CCDC169: variants seen among roughly 807,000 people sequenced by gnomAD.
The protein encoded by CCDC169 is coiled-coil domain-containing protein 169.
CCDC169 carries 30 observed loss-of-function variants against 36.0 expected under a neutral mutation model. The observed-to-expected ratio is 0.83, with a 90% CI of 0.62 to 1.13. CCDC169 has a LOEUF of 1.13. Ranked by LOEUF, CCDC169 falls within the 50% of genes most tolerant of loss-of-function variation. The pLI is 0.00. For missense variants in CCDC169, 245 were observed against 245.9 expected (o/e 1.00, Z 0.03); for synonymous variants, 85 against 81.5 (o/e 1.04, Z -0.23).
chr13:36,238,131 G>C (rs1871306131), intron 7 of CCDC169, among the ~76,000 whole-genome samples: 1 of 152,158 alleles, frequency 6.6e-6, no homozygotes, highest in Non-Finnish European at 1.5e-5. Context: ...TAGTGGAAGG[G>C]GGTTTGGGAA....
chr13:36,245,496 C>A (rs1461978456), intron 7 of CCDC169, among the ~76,000 whole-genome samples: 2 of 151,812 alleles, frequency 1.3e-5, no homozygotes, highest in Non-Finnish European at 2.9e-5. Flanking sequence ...GACAGTCTTG[C>A]CATGTTTCCC....
chr13:36,292,922 T>A (rs1879078867), intron 2 of CCDC169, among the ~76,000 whole-genome samples: 1 of 152,022 alleles, frequency 6.6e-6, no homozygotes, highest in Non-Finnish European at 1.5e-5. Context: ...GAGACAAGAA[T>A]AAGGACAGAT....
chr13:36,263,187 A>G (rs1174392640), intron 4 of CCDC169, among the ~76,000 whole-genome samples: 1 of 139,424 alleles, frequency 7.2e-6, no homozygotes. Context: ...CATTGGTACG[A>G]AAGTAGAGGA....
chr13:36,247,213 CT>C (rs1450589845), intron 7 of CCDC169, among the ~76,000 whole-genome samples: 4 of 152,168 alleles, frequency 2.6e-5, no homozygotes, highest in African/African-American at 9.7e-5. Context: ...CAAAATATTA[CT>C]ACTTTTTGAG....
intron 7 of CCDC169, among the ~76,000 whole-genome samples, chr13:36,232,338 C>T (rs1593985955): frequency 1.3e-5 from 2 of 152,318 alleles, no homozygotes; most frequent in Admixed American, 1.3e-4. Context: ...ACTTACAAAG[C>T]TATCTTTATT....
At chr13:36,246,427 C>A (rs2138441067) in intron 7 of CCDC169, among the ~76,000 whole-genome samples, 1 of 152,236 alleles carries the variant, frequency 6.6e-6, no homozygotes, top group South Asian at 2.1e-4. Context: ...GATAGAAGAC[C>A]AAAGAAACCA....
chr13:36,255,934 C>A (rs912929), intron 4 of CCDC169, among the ~76,000 whole-genome samples: 1 of 151,998 alleles, frequency 6.6e-6, no homozygotes, highest in African/African-American at 2.4e-5. Flanking sequence ...CCACCCTTGA[C>A]CAGATGCAGG....
intron 7 of CCDC169, chr13:36,244,610 T>C (rs1440282221): frequency 6.6e-6 from 1 of 151,374 alleles, no homozygotes; most frequent in African/African-American, 2.4e-5. Context: ...TAGCTATAAA[T>C]TCCCTGTGAG....
At chr13:36,238,187 G>A (rs902190231) in intron 7 of CCDC169, among the ~76,000 whole-genome samples, 2 of 152,204 alleles carry the variant, frequency 1.3e-5, no homozygotes, top group Non-Finnish European at 2.9e-5. Context: ...TGATGAAAAT[G>A]TTCTGGAATC....
At chr13:36,237,082 T>G (rs1447468950) in intron 7 of CCDC169, among the ~76,000 whole-genome samples, 1 of 151,944 alleles carries the variant, frequency 6.6e-6, no homozygotes, top group Non-Finnish European at 1.5e-5. Context: ...TTATTATTAT[T>G]ATTATTTTCC....
chr13:36,278,912 C>T (rs1431076023), intron 4 of CCDC169, among the ~76,000 whole-genome samples: 2 of 152,208 alleles, frequency 1.3e-5, no homozygotes, highest in African/African-American at 2.4e-5. Flanking sequence ...TTACCATTTC[C>T]TAACATCCTA....
Position 36,253,828 on chromosome 13 carries a change from C to T in CCDC169, c.443G>A (p.Arg148His), listed in dbSNP as rs1330694388. The change falls in exon 6 of 8, where the codon CGT (arginine) becomes CAT (histidine). Residue 148 changes from arginine to histidine, a missense_variant. Transcript: ENST00000239859. Reference sequence around the variant, plus strand: ...CTGAGACATTTCAGCTAGGTATGTACGGCGTTCATTGTTGATCTTCTGGTA... The same window carrying T: ...CTGAGACATTTCAGCTAGGTATGTATGGCGTTCATTGTTGATCTTCTGGTA... ...KAYQKINNER[R>H]TYLAEMSQGS... 2.6e-5 allele frequency: 41 copies of T among 1,551,020 alleles called. No homozygotes were observed. The highest frequency in any genetic ancestry group is 1.1e-4 in the South Asian group (9 of 83,868).
chr13:36,256,267 C>T (rs959175416), intron 4 of CCDC169, among the ~76,000 whole-genome samples: 5 of 152,142 alleles, frequency 3.3e-5, no homozygotes, highest in African/African-American at 1.2e-4. Context: ...AGTTCGTTCT[C>T]ATGCTGCTAT....
chr13:36,240,976 T>C (rs1175732625), intron 7 of CCDC169, among the ~76,000 whole-genome samples: 1 of 152,064 alleles, frequency 6.6e-6, no homozygotes, highest in East Asian at 1.9e-4. Flanking sequence ...AGTATAGATA[T>C]CTTGTTCATT....
intron 4 of CCDC169, among the ~76,000 whole-genome samples, chr13:36,276,688 T>C (rs1051815196): frequency 6.6e-6 from 1 of 151,904 alleles, no homozygotes; most frequent in African/African-American, 2.4e-5. Context: ...AAAATAGGGG[T>C]CATCACTTTT....
chr13:36,251,679 C>T (rs1181079394), intron 6 of CCDC169, among the ~76,000 whole-genome samples: 3 of 152,000 alleles, frequency 2.0e-5, no homozygotes, highest in African/African-American at 7.2e-5. Context: ...TTGCTTTTTG[C>T]CACTCTTTGT....
At chr13:36,281,199 C>G in intron 4 of CCDC169, 1 of 412,314 alleles carries the variant, frequency 2.4e-6, no homozygotes, top group Non-Finnish European at 4.8e-6. Context: ...TAGGGGAAGC[C>G]TGGATTCCTG....
chr13:36,240,166 A>G (rs1422956403), intron 7 of CCDC169, among the ~76,000 whole-genome samples: 2 of 151,978 alleles, frequency 1.3e-5, no homozygotes, highest in African/African-American at 4.8e-5. Context: ...TTTTTTAAAC[A>G]CTGTACTGTA....
chr13:36,265,138 G>C (rs1374632537), intron 4 of CCDC169, among the ~76,000 whole-genome samples: 1 of 152,066 alleles, frequency 6.6e-6, no homozygotes, highest in Non-Finnish European at 1.5e-5. Context: ...AATTCTAGCA[G>C]CTCTCATTTT....
Sources: gnomAD v4.1 joint callset for allele counts (sites outside exome capture counted in the v4.1 genomes callset) on GRCh38, gnomAD v4.1.1 for gene constraint, MANE v1.5 for transcripts, NCBI Gene and HGNC (gene_info 2026-07-23, HGNC 2026-07-21) for gene names.